USP32: variants seen among roughly 807,000 people sequenced by gnomAD.
USP32 encodes the protein ubiquitin specific peptidase 32.
USP32 carries 59 observed loss-of-function variants against 204.8 expected under a neutral mutation model. The observed-to-expected ratio is 0.29, with a 90% confidence interval of 0.23 to 0.36. The LOEUF (loss-of-function observed/expected upper bound fraction) is 0.36, where lower values mean the gene tolerates loss of function less well. Ranked by LOEUF, USP32 falls within the 10% of genes least tolerant of loss-of-function variation. The pLI, the probability that USP32 is intolerant of heterozygous loss-of-function variation, is 1.00. For missense variants in USP32, 1,160 were observed against 1,946.4 expected (o/e 0.60, Z 7.60); for synonymous variants, 517 against 678.4 (o/e 0.76, Z 3.70).
At chr17:60,349,597 ATAT>A (rs1456426667) in intron 1 of USP32, among the ~76,000 whole-genome samples, 1,431 of 38,506 alleles carry the variant, frequency 0.037, 64 homozygotes, top group Non-Finnish European at 0.049. Flanking sequence ...AAAAAAAAAA[ATAT>A]ATATATATAT....
rs1415514821 is a variant in USP32, at chr17:60,324,673, T to TA, written c.186+20807dup. On this transcript the variant is annotated intron_variant, in intron 2 of 33. Transcript: ENST00000300896. ...AAAAAATACATTTTGAAAAGCAATG[T>TA]AAAAAATTAAACTTTGTCTCAGAAA... Among the ~76,000 whole-genome samples the TA allele has an allele frequency of 5.9e-5, 9 of 152,172 alleles. No homozygotes were observed. In the East Asian group the frequency reaches 1.7e-3, roughly 29 times the overall value.
intron 31 of USP32, among the ~76,000 whole-genome samples, chr17:60,182,778 A>AAAAAT (rs2084146113): frequency 6.6e-6 from 1 of 151,872 alleles, no homozygotes; most frequent in Non-Finnish European, 1.5e-5. Flanking sequence ...CAAAAAAATA[A>AAAAAT]AAAATAAAAT....
chr17:60,340,011 T>C (rs990114926), intron 2 of USP32, among the ~76,000 whole-genome samples: 2 of 152,174 alleles, frequency 1.3e-5, no homozygotes, highest in Non-Finnish European at 2.9e-5. Flanking sequence ...TGCTATGATA[T>C]CTCAAAACAT....
intron 1 of USP32, among the ~76,000 whole-genome samples, chr17:60,363,115 C>T (rs946472536): frequency 6.6e-6 from 1 of 151,850 alleles, no homozygotes; most frequent in Admixed American, 6.6e-5. Flanking sequence ...CACAGTGAGA[C>T]CCCATCTCTA....
chr17:60,326,999 GA>G (rs2088256621), intron 2 of USP32, among the ~76,000 whole-genome samples: 5 of 152,098 alleles, frequency 3.3e-5, no homozygotes, highest in Admixed American at 3.3e-4. Context: ...AGTGATAGCT[GA>G]AAGTTGGTTA....
intron 4 of USP32, among the ~76,000 whole-genome samples, chr17:60,291,527 C>G (rs973241282): frequency 1.2e-3 from 162 of 140,826 alleles, no homozygotes; most frequent in African/African-American, 2.3e-3. Flanking sequence ...GCTTCTCTCT[C>G]TGTGTGTGTA....
chr17:60,266,161 G>T (rs1053674818), intron 7 of USP32, 70 bp from the exon 8 acceptor site: 18 of 1,244,866 alleles, frequency 1.4e-5, no homozygotes, highest in Non-Finnish European at 2.1e-5. Context: ...TTTACTAGAA[G>T]TTGCCCTTGT....
intron 5 of USP32, among the ~76,000 whole-genome samples, chr17:60,287,432 G>A (rs753220450): frequency 2.0e-5 from 3 of 152,056 alleles, no homozygotes; most frequent in African/African-American, 4.8e-5. Flanking sequence ...AGTTACCCTT[G>A]CCTTTAAAAA....
chr17:60,404,963 G>C (rs2089964025), intron 1 of USP32, among the ~76,000 whole-genome samples: 1 of 152,070 alleles, frequency 6.6e-6, no homozygotes, highest in African/African-American at 2.4e-5. Context: ...GATCTCTTGA[G>C]GTGAGGAATT....
At chr17:60,315,664 G>A (rs1177297955) in intron 2 of USP32, among the ~76,000 whole-genome samples, 3 of 151,946 alleles carry the variant, frequency 2.0e-5, no homozygotes, top group African/African-American at 4.8e-5. Flanking sequence ...GAAGAAAGGT[G>A]GAAACAACCC....
chr17:60,199,047 T>C (rs1023170293), intron 26 of USP32, among the ~76,000 whole-genome samples: 1 of 151,942 alleles, frequency 6.6e-6, no homozygotes, highest in African/African-American at 2.4e-5. Flanking sequence ...GTCTGGCAAG[T>C]TGAGGGTACA....
intron 2 of USP32, among the ~76,000 whole-genome samples, chr17:60,334,018 T>G (rs972099618): frequency 6.6e-6 from 1 of 152,088 alleles, no homozygotes; most frequent in Non-Finnish European, 1.5e-5. Context: ...CTAAACACAA[T>G]AAAAAATATG....
intron 1 of USP32, among the ~76,000 whole-genome samples, chr17:60,389,860 C>CA (rs1299977422): frequency 2.7e-5 from 4 of 150,884 alleles, no homozygotes; most frequent in African/African-American, 4.9e-5. Context: ...ACTAAAAATA[C>CA]AAAAAAATTA....
chr17:60,205,285 A>G (rs1194021828), intron 26 of USP32, among the ~76,000 whole-genome samples, 162 bp downstream of exon 26: 9 of 152,274 alleles, frequency 5.9e-5, no homozygotes, highest in Non-Finnish European at 1.2e-4. Context: ...TGAGGACAGG[A>G]TAAAAAAGTA....
rs374684056 is a variant in USP32, at chr17:60,300,414, A to T, written c.292+1185T>A. On this transcript the variant is annotated intron_variant, in intron 3 of 33. Coordinates refer to ENST00000300896, the MANE Select transcript of USP32 (RefSeq NM_032582.4). ...CAACTAAGATTATCTTCCCTTTCAC[A>T]TTTAGCAGGGGAAATGGTGTCCTCT... is the stretch of plus-strand genomic sequence containing the variant. Among the ~76,000 whole-genome samples, 10 of 152,292 alleles carry T rather than the reference A, an allele frequency of 6.6e-5. No individual in the cohort carries two copies. The East Asian group carries it at 1.9e-3, about 29-fold the overall frequency.
chr17:60,181,076 G>A (rs1388559211), intron 32 of USP32, among the ~76,000 whole-genome samples: 1 of 151,576 alleles, frequency 6.6e-6, no homozygotes, highest in African/African-American at 2.4e-5. Context: ...TAGAGATGGG[G>A]CCAGGCTGGT....
At chr17:60,337,419 G>A (rs1300861806) in intron 2 of USP32, among the ~76,000 whole-genome samples, 1 of 152,076 alleles carries the variant, frequency 6.6e-6, no homozygotes. Flanking sequence ...AGGTCTCCTC[G>A]TCTCTTGGTT....
intron 26 of USP32, among the ~76,000 whole-genome samples, chr17:60,198,668 T>C (rs2084591022): frequency 6.6e-6 from 1 of 152,264 alleles, no homozygotes; most frequent in Non-Finnish European, 1.5e-5. Context: ...AGTTGTTGCC[T>C]ATTCTATCAA....
chr17:60,294,642 TTGTCAATGAAAAGGGATAAA>T, intron 4 of USP32, 21 bp downstream of exon 4: 1 of 1,349,930 alleles, frequency 7.4e-7, no homozygotes, highest in Non-Finnish European at 1.0e-6. Flanking sequence ...AGTTAATACT[TTGTCAATGAAAAGGGATAAA>T]ATGTAAATCT....
Sources: gnomAD v4.1 joint callset for allele counts (sites outside exome capture counted in the v4.1 genomes callset) on GRCh38, gnomAD v4.1.1 for gene constraint, MANE v1.5 for transcripts, NCBI Gene and HGNC (gene_info 2026-07-23, HGNC 2026-07-21) for gene names.